PTPRD: variants seen among roughly 807,000 people sequenced by gnomAD.
The protein encoded by PTPRD is protein tyrosine phosphatase receptor type D.
A neutral mutation model predicts 214.5 loss-of-function variants in PTPRD; 34 were observed. The observed-to-expected ratio is 0.16, with a 90% confidence interval of 0.12 to 0.21. The LOEUF (loss-of-function observed/expected upper bound fraction) is 0.21. PTPRD is among the 10% of genes least tolerant of loss of function. PTPRD has a pLI of 1.00. For missense variants in PTPRD, 2,545 were observed against 2,398.7 expected, an observed-to-expected ratio of 1.06 and a Z score of -1.27; for synonymous variants, 1,128 against 845.7, an observed-to-expected ratio of 1.33 and a Z score of -5.79.
At chr9:8,492,791 T>C (rs1186256264) in intron 27 of PTPRD, 71 bp downstream of exon 27, 1 of 1,077,254 alleles carries the variant, frequency 9.3e-7, no homozygotes, top group Admixed American at 2.1e-5. Context: ...AAAAGCCTGC[T>C]AGAAGCTACC....
chr9:8,390,726 A>G (rs544948028), intron 36 of PTPRD, among the ~76,000 whole-genome samples: 1 of 152,264 alleles, frequency 6.6e-6, no homozygotes, highest in African/African-American at 2.4e-5. Flanking sequence ...AGAGAGACAG[A>G]GGCAAATTTG....
At chr9:8,625,111 G>A (rs992557476) in intron 14 of PTPRD, among the ~76,000 whole-genome samples, 2 of 151,584 alleles carry the variant, frequency 1.3e-5, no homozygotes, top group African/African-American at 4.8e-5. Flanking sequence ...GAGGTATACA[G>A]GATAAAAGTC....
intron 39 of PTPRD, among the ~76,000 whole-genome samples, chr9:8,345,530 G>C (rs544342403): frequency 1.6e-4 from 24 of 152,106 alleles, no homozygotes; most frequent in African/African-American, 5.5e-4. Context: ...TTGGTTTTAA[G>C]GACACTAGTC....
rs529300769 is a variant in PTPRD, at chr9:10,389,222, A to C, written c.-599-48205T>G. Among the ~76,000 whole-genome samples the C allele has an allele frequency of 2.3e-4, 35 of 152,004 alleles. 1 individual carries two copies. The South Asian group carries it at 6.8e-3, about 30-fold the overall frequency. On this transcript the variant is annotated intron_variant, in intron 2 of 45. Transcript: ENST00000381196. ...CATATAATCATGTTTTTCACACATT[A>C]TTTTGTGCTATCACAATGAAAGGTT...
intron 9 of PTPRD, among the ~76,000 whole-genome samples, chr9:9,257,136 C>A (rs1006599396): frequency 6.6e-6 from 1 of 151,862 alleles, no homozygotes; most frequent in Non-Finnish European, 1.5e-5. Flanking sequence ...TAGAGATGAT[C>A]TAGTAAAATC....
At chr9:9,245,052 G>A (rs1165914967) in intron 9 of PTPRD, among the ~76,000 whole-genome samples, 1 of 152,086 alleles carries the variant, frequency 6.6e-6, no homozygotes, top group African/African-American at 2.4e-5. Context: ...ATCATCACTG[G>A]CCATCAGAGA....
chr9:10,321,110 A>G (rs547821923), intron 3 of PTPRD, among the ~76,000 whole-genome samples: 39 of 152,182 alleles, frequency 2.6e-4, no homozygotes, highest in African/African-American at 9.1e-4. Context: ...ATTCTCATGC[A>G]GCTTTAGTAA....
rs147574611 is a variant in PTPRD at position 9,164,085 on chromosome 9, T to C, written c.-143+19219A>G. Reference sequence around the variant, plus strand: ...TATGCCTATTATATTAGTTTCCTATTTCTTCTGTAACAAATTACACCAATT... The same window carrying C: ...TATGCCTATTATATTAGTTTCCTATCTCTTCTGTAACAAATTACACCAATT... On this transcript the variant is annotated intron_variant, in intron 10 of 45. Transcript: ENST00000381196. 3.6e-4 allele frequency among the ~76,000 whole-genome samples: 55 copies of C among 152,308 alleles called. 1 individual carries two copies. The highest frequency in any genetic ancestry group is 1.2e-3 in the African/African-American group (50 of 41,570).
rs574203716 is a variant in PTPRD at position 8,334,656 on chromosome 9, G to A, written c.5380-2920C>T. ...GTAACAAGAGCAAACAAATTCAAAA[G>A]CTAACAGAAGACAAGAAATAACTAA... On this transcript the variant is annotated intron_variant, in intron 43 of 45. Coordinates refer to ENST00000381196, the MANE Select transcript of PTPRD (RefSeq NM_002839.4). Among the ~76,000 whole-genome samples, 397 of 110,650 alleles carry A rather than the reference G, an allele frequency of 3.6e-3. 13 individuals are homozygous for A. Among genetic ancestry groups the A allele is most frequent in the African/African-American group, 0.014 (361 of 26,604 alleles). 72.6% of individuals were successfully genotyped at this position (110,650 alleles called of 152,430 possible).
intron 3 of PTPRD, among the ~76,000 whole-genome samples, chr9:10,109,803 G>C (rs914035366): frequency 6.6e-6 from 1 of 152,022 alleles, no homozygotes; most frequent in Non-Finnish European, 1.5e-5. Flanking sequence ...ATAGGAGCTA[G>C]AAAATGAACT....
chr9:10,113,734 GC>G (rs1175732925), intron 3 of PTPRD, among the ~76,000 whole-genome samples: 5 of 152,110 alleles, frequency 3.3e-5, no homozygotes, highest in Admixed American at 6.6e-5. Flanking sequence ...ACAATGCTTC[GC>G]CACTTTAATG....
chr9:9,683,912 G>A (rs2097122151), intron 7 of PTPRD, among the ~76,000 whole-genome samples: 1 of 151,548 alleles, frequency 6.6e-6, no homozygotes, highest in Admixed American at 6.6e-5. Flanking sequence ...GTAATTATAT[G>A]ACTCCAGCAA....
intron 2 of PTPRD, among the ~76,000 whole-genome samples, chr9:10,406,836 G>A (rs1248600892): frequency 6.6e-6 from 1 of 151,562 alleles, no homozygotes; most frequent in African/African-American, 2.4e-5. Context: ...TGTTCATAGA[G>A]TCCATTTCAA....
At chr9:9,255,475 C>T (rs1302298496) in intron 9 of PTPRD, among the ~76,000 whole-genome samples, 1 of 151,998 alleles carries the variant, frequency 6.6e-6, no homozygotes, top group African/African-American at 2.4e-5. Flanking sequence ...AATGCTCTAT[C>T]TCTAAAACCA....
intron 3 of PTPRD, among the ~76,000 whole-genome samples, chr9:10,053,477 A>G (rs1339828123): frequency 1.3e-5 from 2 of 152,158 alleles, no homozygotes; most frequent in South Asian, 4.2e-4. Flanking sequence ...TATTGTAACT[A>G]CAGAGAGAAG....
At chr9:9,742,016 T>G (rs1034154381) in intron 6 of PTPRD, among the ~76,000 whole-genome samples, 7 of 152,172 alleles carry the variant, frequency 4.6e-5, no homozygotes, top group African/African-American at 1.7e-4. Flanking sequence ...TTCTAGATCT[T>G]TGAGGAATAG....
intron 10 of PTPRD, among the ~76,000 whole-genome samples, chr9:9,151,460 G>T (rs1170140726): frequency 6.6e-6 from 1 of 152,120 alleles, no homozygotes; most frequent in Admixed American, 6.6e-5. Context: ...GTCTGGGGAT[G>T]GGTGCAAGAC....
At chr9:10,062,377 G>A (rs2097790264) in intron 3 of PTPRD, among the ~76,000 whole-genome samples, 1 of 152,000 alleles carries the variant, frequency 6.6e-6, no homozygotes, top group African/African-American at 2.4e-5. Flanking sequence ...AGGCCAAGGT[G>A]GGAGGATTAC....
chr9:9,426,169 C>T (rs2890867), intron 8 of PTPRD, among the ~76,000 whole-genome samples: 54,028 of 151,996 alleles, frequency 0.36, 9,960 homozygotes, highest in East Asian at 0.55. Context: ...CAAGGGAAGC[C>T]GTGACAGACA....
Sources: allele counts gnomAD v4.1 joint callset (sites outside exome capture counted in the v4.1 genomes callset), GRCh38; gene constraint gnomAD v4.1.1; transcripts MANE v1.5; gene names NCBI Gene and HGNC (gene_info 2026-07-23, HGNC 2026-07-21).